The following PBX3 variants were observed in gnomAD, a reference collection of about 807,000 sequenced individuals.
PBX3 encodes the protein PBX homeobox 3.
A neutral mutation model predicts 48.5 loss-of-function variants in PBX3; 14 were observed. The observed-to-expected ratio is 0.29, with a 90% confidence interval of 0.19 to 0.45. The LOEUF (loss-of-function observed/expected upper bound fraction) is 0.45. Among genes scored for constraint, PBX3 ranks in the 20% least tolerant of loss-of-function variants. PBX3 has a pLI of 1.00. For missense variants in PBX3, 386 were observed against 546.7 expected, an observed-to-expected ratio of 0.71 and a Z score of 2.93; for synonymous variants, 210 against 200.3, an observed-to-expected ratio of 1.05 and a Z score of -0.41.
chr9:125,820,496 C>T (rs765365211), intron 2 of PBX3, among the ~76,000 whole-genome samples: 6 of 152,210 alleles, frequency 3.9e-5, no homozygotes, highest in Non-Finnish European at 5.9e-5. Context: ...TTACTGGCAC[C>T]ATGGTGCACA....
intron 2 of PBX3, among the ~76,000 whole-genome samples, chr9:125,899,712 G>C (rs1433694689): frequency 1.3e-5 from 2 of 151,480 alleles, no homozygotes; most frequent in East Asian, 3.9e-4. Context: ...ATTTTAAAAA[G>C]AAAAGATAAT....
chr9:125,850,141 C>A (rs1043420455), intron 2 of PBX3, among the ~76,000 whole-genome samples: 2 of 151,926 alleles, frequency 1.3e-5, no homozygotes, highest in African/African-American at 4.8e-5. Context: ...CAGGAGGCAA[C>A]CTAGTAGATT....
chr9:125,888,492 T>A (rs1224702323), intron 2 of PBX3, among the ~76,000 whole-genome samples: 1 of 152,058 alleles, frequency 6.6e-6, no homozygotes, highest in Non-Finnish European at 1.5e-5. Context: ...GCGGCATACA[T>A]GCTTTACCAG....
rs188977709 is a variant in PBX3, at chr9:125,881,500, A to G, written c.275-34186A>G. 4.9e-3 allele frequency among the ~76,000 whole-genome samples: 743 copies of G among 152,318 alleles called. 12 individuals are homozygous for G. Among genetic ancestry groups the G allele is most frequent in the African/African-American group, 0.017 (715 of 41,572 alleles). On this transcript the variant is annotated intron_variant, in intron 2 of 8. Transcript: ENST00000373489. ...AATAACTCATCACCAATTTAATTCA[A>G]TTTTACATCATTATCACTGGCAATA...
intron 6 of PBX3, 59 bp from the exon 7 acceptor site, chr9:125,962,043 C>G (rs1842440977): frequency 7.1e-6 from 6 of 843,280 alleles, no homozygotes; most frequent in Non-Finnish European, 1.2e-5. Flanking sequence ...GCCTCTAGGT[C>G]TTTGAGGATT....
intron 2 of PBX3, among the ~76,000 whole-genome samples, chr9:125,814,430 A>G (rs917258155): frequency 1.3e-5 from 2 of 152,150 alleles, no homozygotes; most frequent in Admixed American, 1.3e-4. Flanking sequence ...TGTTCTATTT[A>G]AGATGAGTGC....
intron 5 of PBX3, among the ~76,000 whole-genome samples, chr9:125,952,293 C>A (rs913797317): frequency 6.6e-6 from 1 of 152,168 alleles, no homozygotes; most frequent in Non-Finnish European, 1.5e-5. Context: ...CAAACAAGTG[C>A]AGATCCTCTC....
intron 2 of PBX3, among the ~76,000 whole-genome samples, chr9:125,789,387 T>C (rs543510435): frequency 7.9e-5 from 12 of 152,328 alleles, no homozygotes; most frequent in African/African-American, 2.4e-4. Context: ...GCTGCAGTTA[T>C]CTTGAGAGTC....
intron 2 of PBX3, among the ~76,000 whole-genome samples, chr9:125,763,944 C>T (rs542352028): frequency 5.3e-5 from 8 of 152,050 alleles, no homozygotes; most frequent in Admixed American, 2.0e-4. Context: ...GTCATTTAAA[C>T]GTTGTTTATG....
intron 5 of PBX3, among the ~76,000 whole-genome samples, chr9:125,940,552 C>T (rs1588320184): frequency 1.3e-5 from 2 of 152,258 alleles, no homozygotes; most frequent in South Asian, 4.1e-4. Flanking sequence ...TAGGAATATC[C>T]TTAGTAACAG....
chr9:125,777,362 CTT>C (rs58828825), intron 2 of PBX3, among the ~76,000 whole-genome samples: 2 of 140,140 alleles, frequency 1.4e-5, no homozygotes, highest in Admixed American at 7.1e-5. Flanking sequence ...TCTTCTTCTT[CTT>C]TTTTTTTTTG....
At chr9:125,850,496 T>A (rs2132258096) in intron 2 of PBX3, among the ~76,000 whole-genome samples, 1 of 152,174 alleles carries the variant, frequency 6.6e-6, no homozygotes, top group South Asian at 2.1e-4. Context: ...TATATATTAA[T>A]TTTCAGTGTT....
intron 2 of PBX3, among the ~76,000 whole-genome samples, chr9:125,750,672 G>C (rs1330088446): frequency 1.3e-5 from 2 of 152,308 alleles, no homozygotes; most frequent in African/African-American, 4.8e-5. Flanking sequence ...TTGTAAATTA[G>C]ATTCTCTTTT....
intron 2 of PBX3, among the ~76,000 whole-genome samples, chr9:125,788,106 A>G (rs1034255511): frequency 2.0e-5 from 3 of 152,242 alleles, no homozygotes. Context: ...TTAATAACCA[A>G]CAGTGGATGC....
At chr9:125,898,067 G>A (rs1425857912) in intron 2 of PBX3, among the ~76,000 whole-genome samples, 5 of 151,814 alleles carry the variant, frequency 3.3e-5, no homozygotes. Context: ...AAATAATTAT[G>A]ATGGAATTGA....
chr9:125,893,096 C>T (rs1013847281), intron 2 of PBX3, among the ~76,000 whole-genome samples: 24 of 152,284 alleles, frequency 1.6e-4, no homozygotes, highest in African/African-American at 5.8e-4. Flanking sequence ...AATGGTGCAA[C>T]CTACCCAATG....
intron 3 of PBX3, among the ~76,000 whole-genome samples, chr9:125,922,045 C>G (rs749695100): frequency 6.6e-6 from 1 of 151,990 alleles, no homozygotes. Flanking sequence ...AAGGCAAAAA[C>G]GAGGTTGAAT....
chr9:125,899,460 G>T (rs796856620), intron 2 of PBX3, among the ~76,000 whole-genome samples: 8,316 of 121,406 alleles, frequency 0.068, 686 homozygotes, highest in African/African-American at 0.12. Flanking sequence ...TATATAGAGA[G>T]AGAGAGAGAG....
chr9:125,906,279 G>A (rs1436850066), intron 2 of PBX3, among the ~76,000 whole-genome samples: 3 of 151,916 alleles, frequency 2.0e-5, no homozygotes, highest in Non-Finnish European at 4.4e-5. Context: ...TGTTACATTG[G>A]AATGTACTGA....
Sources: allele counts gnomAD v4.1 joint callset (sites outside exome capture counted in the v4.1 genomes callset), GRCh38; gene constraint gnomAD v4.1.1; transcripts MANE v1.5; gene names NCBI Gene and HGNC (gene_info 2026-07-23, HGNC 2026-07-21).